The following GPC3 variants were observed in gnomAD, a reference collection of about 807,000 sequenced individuals.
GPC3 encodes glypican 3.
GPC3 carries 3 observed loss-of-function variants against 34.4 expected under a neutral mutation model. The observed-to-expected ratio is 0.09, with a 90% CI of 0.04 to 0.23. The LOEUF (loss-of-function observed/expected upper bound fraction) is 0.23, where lower values mean the gene tolerates loss of function less well. Among genes scored for constraint, GPC3 ranks in the 10% least tolerant of loss-of-function variants. The pLI is 1.00. For synonymous variants in GPC3, 177 were observed against 174.0 expected (o/e 1.02, Z -0.13); for missense variants, 351 against 445.6 (o/e 0.79, Z 1.91).
chrX:133,765,279 A>G (rs2071834863), intron 2 of GPC3, among the ~76,000 whole-genome samples: 1 of 112,140 alleles, frequency 8.9e-6, no homozygotes, highest in Non-Finnish European at 1.9e-5. Context: ...TGTTTTCTCA[A>G]CTTGTGAATT....
chrX:133,782,743 G>A (rs968102618), intron 2 of GPC3, among the ~76,000 whole-genome samples: 2 of 111,482 alleles, frequency 1.8e-5, no homozygotes, highest in African/African-American at 6.5e-5. Context: ...GATTACCTAT[G>A]TCTCTACTCC....
chrX:133,898,076 T>C (rs749634789), intron 2 of GPC3, among the ~76,000 whole-genome samples: 7 of 111,457 alleles, frequency 6.3e-5, no homozygotes, highest in Admixed American at 2.9e-4. Flanking sequence ...TTTTTCCCTT[T>C]TAAACAGCAA....
At chrX:133,981,956 C>G (rs771701365) in intron 1 of GPC3, among the ~76,000 whole-genome samples, 1 of 111,736 alleles carries the variant, frequency 8.9e-6, no homozygotes, top group African/African-American at 3.2e-5. Context: ...GCAACACTAC[C>G]ACGGTTTGTT....
intron 6 of GPC3, among the ~76,000 whole-genome samples, chrX:133,655,715 C>CTAG (rs2070656195): frequency 9.0e-6 from 1 of 111,458 alleles, no homozygotes; most frequent in Admixed American, 9.6e-5. Flanking sequence ...AACCACTGCA[C>CTAG]TAGGCCAGTG....
intron 2 of GPC3, among the ~76,000 whole-genome samples, chrX:133,786,803 A>G (rs1349803249): frequency 9.0e-6 from 1 of 111,153 alleles, no homozygotes; most frequent in African/African-American, 3.3e-5. Flanking sequence ...TCACCCTTCA[A>G]TGTGTCTGCG....
chrX:133,823,306 TG>T (rs955623875), intron 2 of GPC3, among the ~76,000 whole-genome samples: 15 of 109,991 alleles, frequency 1.4e-4, no homozygotes, highest in African/African-American at 4.3e-4. Context: ...CCCAGAATTC[TG>T]TATCCAGTGA....
intron 7 of GPC3, among the ~76,000 whole-genome samples, chrX:133,580,393 C>T (rs1228473339): frequency 8.9e-6 from 1 of 111,929 alleles, no homozygotes; most frequent in Non-Finnish European, 1.9e-5. Flanking sequence ...ATGATTTCCT[C>T]AGATACTGCC....
At chrX:133,584,939 A>AC (rs1039818778) in intron 7 of GPC3, among the ~76,000 whole-genome samples, 1 of 110,470 alleles carries the variant, frequency 9.1e-6, no homozygotes, top group African/African-American at 3.3e-5. Flanking sequence ...CCAAAAAAAA[A>AC]AAAAAAACAA....
intron 2 of GPC3, among the ~76,000 whole-genome samples, chrX:133,771,715 T>C (rs950581584): frequency 1.8e-5 from 2 of 112,407 alleles, no homozygotes; most frequent in African/African-American, 6.5e-5. Flanking sequence ...CACTACAGTC[T>C]ATGCCTCTGG....
At chrX:133,769,949 A>G (rs1050708298) in intron 2 of GPC3, among the ~76,000 whole-genome samples, 4 of 112,312 alleles carry the variant, frequency 3.6e-5, no homozygotes, top group African/African-American at 1.3e-4. Context: ...TAAAGCAGTG[A>G]CTCAGCCACA....
Position 133,655,500 on chromosome X carries a change from ACACACC to A in GPC3, c.1413+6224_1413+6229del, listed in dbSNP as rs1408470562. ...CCCACACACACACACACACACACACACACACCCACACACACACACACACACACATTC... is the reference window on the plus strand; with the variant it reads ...CCCACACACACACACACACACACACACACACACACACACACACACACATTC... On this transcript the variant is annotated intron_variant, in intron 6 of 7. Transcript: ENST00000370818. 3.9e-3 allele frequency among the ~76,000 whole-genome samples: 422 copies of A among 107,410 alleles called. 1 individual carries two copies. The highest frequency in any genetic ancestry group is 0.014 in the African/African-American group (404 of 28,464). 93.3% of individuals were successfully genotyped at this position (107,410 alleles called of 115,157 possible). A position where few individuals can be genotyped will look rare whatever the true frequency, so the allele number is the denominator to read the frequency against.
intron 3 of GPC3, among the ~76,000 whole-genome samples, chrX:133,712,605 C>A (rs73559396): frequency 0.044 from 4,839 of 110,733 alleles, 266 homozygotes; most frequent in African/African-American, 0.15. Context: ...TAGAGGCCTG[C>A]ATGATGGCTC....
At chrX:133,959,403 T>C (rs2076432493) in intron 1 of GPC3, among the ~76,000 whole-genome samples, 1 of 112,306 alleles carries the variant, frequency 8.9e-6, no homozygotes, top group Non-Finnish European at 1.9e-5. Flanking sequence ...ACAGTGTGTA[T>C]AGGGCTGTTT....
chrX:133,720,601 G>A (rs762959706), intron 3 of GPC3, among the ~76,000 whole-genome samples: 3 of 111,771 alleles, frequency 2.7e-5, no homozygotes, highest in Admixed American at 1.9e-4. Flanking sequence ...GCCCAGTCTT[G>A]GGTATGTCTT....
chrX:133,655,476 CCACACACACACA>C (rs758691994), intron 6 of GPC3, among the ~76,000 whole-genome samples: 2 of 97,619 alleles, frequency 2.0e-5, no homozygotes, highest in Non-Finnish European at 4.1e-5. Context: ...CTTCACACAC[CCACACACACACA>C]CACACACACA....
At chrX:133,823,439 T>C (rs962174214) in intron 2 of GPC3, among the ~76,000 whole-genome samples, 1 of 111,171 alleles carries the variant, frequency 9.0e-6, no homozygotes, top group Admixed American at 9.6e-5. Context: ...AGGAAAATGA[T>C]ATCAGAAGGA....
At chrX:133,971,805 G>T (rs1264385) in intron 1 of GPC3, among the ~76,000 whole-genome samples, 1,585 of 110,919 alleles carry the variant, frequency 0.014, 28 homozygotes, top group African/African-American at 0.047. Flanking sequence ...AACATCCGTT[G>T]TTCCCCTTAA....
At chrX:133,942,584 T>G (rs1427156588) in intron 2 of GPC3, among the ~76,000 whole-genome samples, 13 of 112,308 alleles carry the variant, frequency 1.2e-4, no homozygotes, top group Non-Finnish European at 1.9e-5. Flanking sequence ...CAAGACGATA[T>G]GTCAAAATGT....
At chrX:133,955,250 C>T (rs774386371) in intron 1 of GPC3, among the ~76,000 whole-genome samples, 1 of 111,206 alleles carries the variant, frequency 9.0e-6, no homozygotes, top group East Asian at 2.8e-4. Context: ...AGTCCTGTAA[C>T]CCAGGACTTT....
Sources: allele counts gnomAD v4.1 joint callset (sites outside exome capture counted in the v4.1 genomes callset), GRCh38; gene constraint gnomAD v4.1.1; transcripts MANE v1.5; gene names NCBI Gene and HGNC (gene_info 2026-07-23, HGNC 2026-07-21).